ATP6V1A: variants seen among roughly 807,000 people sequenced by gnomAD.
The protein encoded by ATP6V1A is ATPase H+ transporting V1 subunit A.
In ATP6V1A, 18 loss-of-function variants were observed where a neutral mutation model predicts 70.1. That is an observed-to-expected ratio of 0.26 (90% CI 0.18 to 0.38). The LOEUF (loss-of-function observed/expected upper bound fraction) is 0.38, where lower values mean the gene tolerates loss of function less well. Ranked by LOEUF, ATP6V1A falls within the 10% of genes least tolerant of loss-of-function variation. ATP6V1A has a pLI of 1.00. For synonymous variants in ATP6V1A, 232 were observed against 253.8 expected (o/e 0.91, Z 0.82); for missense variants, 424 against 772.4 (o/e 0.55, Z 5.35).
intron 8 of ATP6V1A, among the ~76,000 whole-genome samples, chr3:113,792,792 C>T (rs1709109876): frequency 2.0e-5 from 3 of 152,194 alleles, no homozygotes; most frequent in Admixed American, 1.3e-4. Flanking sequence ...TTTTTCAACA[C>T]GTTCTTATGA....
chr3:113,804,637 A>G (rs1244640217), intron 13 of ATP6V1A, among the ~76,000 whole-genome samples: 1 of 152,226 alleles, frequency 6.6e-6, no homozygotes, highest in Non-Finnish European at 1.5e-5. Flanking sequence ...CCTGTATATC[A>G]GTAAGCCCCA....
intron 14 of ATP6V1A, among the ~76,000 whole-genome samples, chr3:113,806,347 C>G (rs1057066681): frequency 1.3e-5 from 2 of 152,198 alleles, no homozygotes; most frequent in Admixed American, 1.3e-4. Context: ...TACTTCATAG[C>G]TGAGCAACAG....
At chr3:113,771,611 G>C (rs1442522425) in intron 1 of ATP6V1A, among the ~76,000 whole-genome samples, 1 of 151,624 alleles carries the variant, frequency 6.6e-6, no homozygotes, top group Admixed American at 6.6e-5. Context: ...CTAATTTTTT[G>C]TATTTTCAGT....
chr3:113,778,539 C>G lies in ATP6V1A; in HGVS notation c.-13-202C>G, dbSNP rs12631232. 0.29 allele frequency among the ~76,000 whole-genome samples: 43,337 copies of G among 152,052 alleles called. 6,952 individuals carry two copies. Among genetic ancestry groups the G allele is most frequent in the East Asian group, 0.36 (1,878 of 5,158 alleles). On this transcript the variant is annotated intron_variant, in intron 1 of 14. Transcript: ENST00000273398. ...AGTGAGCTATGACTGTACCACCACA[C>G]TCCAGCCTGGGTGACAGAGAGCCTC...
intron 13 of ATP6V1A, among the ~76,000 whole-genome samples, chr3:113,804,284 G>A (rs1188422083): frequency 2.0e-5 from 3 of 151,690 alleles, no homozygotes; most frequent in East Asian, 3.9e-4. Flanking sequence ...GAGCCAACAC[G>A]CCTGTCTTCT....
At chr3:113,783,986 G>T (rs1308204390) in intron 3 of ATP6V1A, among the ~76,000 whole-genome samples, 2 of 152,094 alleles carry the variant, frequency 1.3e-5, no homozygotes, top group African/African-American at 4.8e-5. Flanking sequence ...TTGTTAGGAC[G>T]TATATACATA....
At chr3:113,763,037 T>C (rs1056596696) in intron 1 of ATP6V1A, among the ~76,000 whole-genome samples, 8 of 152,160 alleles carry the variant, frequency 5.3e-5, no homozygotes, top group African/African-American at 1.9e-4. Context: ...TTGATGGTTA[T>C]GGGTCATTCT....
chr3:113,795,299 A>G, intron 10 of ATP6V1A, 95 bp downstream of exon 10: 1 of 1,330,062 alleles, frequency 7.5e-7, no homozygotes, highest in Non-Finnish European at 1.0e-6. Flanking sequence ...GAGAATATTT[A>G]GCTCCCGCTG....
At chr3:113,799,330 G>A (rs1174279792) in intron 12 of ATP6V1A, among the ~76,000 whole-genome samples, 1 of 152,106 alleles carries the variant, frequency 6.6e-6, no homozygotes, top group Admixed American at 6.6e-5. Flanking sequence ...TAATACAATG[G>A]AAAAAGGATA....
chr3:113,778,856 T>G, intron 2 of ATP6V1A, 21 bp downstream of exon 2: 1 of 1,445,828 alleles, frequency 6.9e-7, no homozygotes, highest in Admixed American at 2.3e-5. Context: ...CATCATAATC[T>G]CAAAATAAGG....
chr3:113,785,506 C>CTTTTTTTTTTT (rs987781968), intron 5 of ATP6V1A, among the ~76,000 whole-genome samples: 1 of 107,174 alleles, frequency 9.3e-6, no homozygotes, highest in Non-Finnish European at 1.8e-5. Flanking sequence ...TTTTTCTTTT[C>CTTTTTTTTTTT]TTTTTTTTTT....
chr3:113,758,623 T>C (rs1218495093), intron 1 of ATP6V1A, among the ~76,000 whole-genome samples: 2 of 152,228 alleles, frequency 1.3e-5, no homozygotes, highest in Non-Finnish European at 2.9e-5. Context: ...TTGGCCATTA[T>C]GAATAAAGGT....
intron 12 of ATP6V1A, among the ~76,000 whole-genome samples, chr3:113,802,487 C>T (rs7632876): frequency 0.34 from 52,021 of 151,654 alleles, 9,016 homozygotes; most frequent in Non-Finnish European, 0.36. Context: ...CCCTACCACA[C>T]CTAGCTAATT....
At chr3:113,776,619 T>C (rs1379732311) in intron 1 of ATP6V1A, among the ~76,000 whole-genome samples, 1 of 152,248 alleles carries the variant, frequency 6.6e-6, no homozygotes, top group African/African-American at 2.4e-5. Context: ...CTTCGACTTA[T>C]CCTGCCTCCC....
chr3:113,801,590 T>C (rs1337826980), intron 12 of ATP6V1A, among the ~76,000 whole-genome samples: 1 of 152,166 alleles, frequency 6.6e-6, no homozygotes, highest in Admixed American at 6.6e-5. Flanking sequence ...AAGCAGGTCC[T>C]TAAGTGGATG....
chr3:113,774,309 T>C (rs1310396526), intron 1 of ATP6V1A, among the ~76,000 whole-genome samples: 2 of 152,182 alleles, frequency 1.3e-5, no homozygotes, highest in African/African-American at 4.8e-5. Context: ...ATGGACACTT[T>C]AGAAAAAAGG....
chr3:113,775,284 C>T (rs778467912), intron 1 of ATP6V1A, among the ~76,000 whole-genome samples: 14 of 146,340 alleles, frequency 9.6e-5, no homozygotes, highest in Non-Finnish European at 1.8e-4. Flanking sequence ...TGCTGGAATG[C>T]AGTGGTGCAG....
chr3:113,805,508 T>G lies in ATP6V1A; in HGVS notation c.1744T>G (p.Ser582Ala). Residue 582 changes from serine to alanine, a missense_variant, in exon 14 of 15, where the codon TCC becomes GCC. Around this residue, in one of 9 missense-constraint regions of ATP6V1A, gnomAD observed 127 missense variants for 207.9 expected, o/e 0.61. Coordinates refer to ENST00000273398, the MANE Select transcript of ATP6V1A (RefSeq NM_001690.4). ...CATGGGAGACATCCTCTATAAACTT[T>G]CCTCCATGAAATTCAAGGTATATTT... ...EHMGDILYKL[S>A]SMKFKDPLKD... is the part of the protein sequence containing the mutation. The G allele has an allele frequency of 6.2e-7, 1 of 1,609,946 alleles. No individual in the cohort carries two copies. Among genetic ancestry groups the G allele is most frequent in the Non-Finnish European group, 8.5e-7 (1 of 1,178,652 alleles).
intron 1 of ATP6V1A, among the ~76,000 whole-genome samples, chr3:113,770,493 C>G (rs1289329567): frequency 6.6e-6 from 1 of 151,808 alleles, no homozygotes; most frequent in African/African-American, 2.4e-5. Flanking sequence ...GCCTGGTCAA[C>G]TTGGCGAAAT....
Sources: gnomAD v4.1 joint callset for allele counts (sites outside exome capture counted in the v4.1 genomes callset) on GRCh38, gnomAD v4.1.1 for gene constraint, gnomAD v4.1.1 regional missense constraint, MANE v1.5 for transcripts, NCBI Gene and HGNC (gene_info 2026-07-23, HGNC 2026-07-21) for gene names.